PBRM1: variants seen among roughly 807,000 people sequenced by gnomAD.
PBRM1 encodes polybromo 1.
A neutral mutation model predicts 194.5 loss-of-function variants in PBRM1; 27 were observed. The observed-to-expected ratio is 0.14, with a 90% CI of 0.10 to 0.19. The LOEUF is 0.19. PBRM1 is among the 10% of genes least tolerant of loss of function. The probability of loss-of-function intolerance (pLI) is 1.00; values close to 1 mark genes in which losing one functional copy is unlikely to be tolerated. For missense variants in PBRM1, 1,466 were observed against 2,077.2 expected (o/e 0.71, Z 5.72); for synonymous variants, 655 against 693.2 (o/e 0.94, Z 0.87).
chr3:52,624,365 G>A (rs2095375598), intron 13 of PBRM1, among the ~76,000 whole-genome samples: 1 of 152,176 alleles, frequency 6.6e-6, no homozygotes, highest in Admixed American at 6.5e-5. Flanking sequence ...TTATTACATA[G>A]GTTGTTTTCA....
chr3:52,628,474 A>ATATTGT (rs1553809066), intron 12 of PBRM1, among the ~76,000 whole-genome samples: 1 of 147,582 alleles, frequency 6.8e-6, no homozygotes, highest in Non-Finnish European at 1.5e-5. Context: ...TATTATATAT[A>ATATTGT]TTGTTTGTTT....
chr3:52,665,718 A>T (rs1402605165), intron 3 of PBRM1, among the ~76,000 whole-genome samples: 1 of 152,190 alleles, frequency 6.6e-6, no homozygotes, highest in Non-Finnish European at 1.5e-5. Context: ...ATGAGAAGGA[A>T]GAGTTTCATC....
chr3:52,656,728 C>G (rs2153836129), intron 5 of PBRM1, among the ~76,000 whole-genome samples: 1 of 152,096 alleles, frequency 6.6e-6, no homozygotes. Flanking sequence ...GAAGAATTAC[C>G]AATCTTGGAA....
intron 1 of PBRM1, among the ~76,000 whole-genome samples, chr3:52,679,335 A>G (rs189700206): frequency 3.3e-5 from 5 of 152,392 alleles, no homozygotes; most frequent in African/African-American, 9.6e-5. Flanking sequence ...TTGTCACATG[A>G]TAGTCACACA....
At chr3:52,680,805 C>T (rs895077983), upstream of PBRM1, among the ~76,000 whole-genome samples, 3 of 152,048 alleles carry the variant, frequency 2.0e-5, no homozygotes, top group Admixed American at 6.6e-5. Context: ...GGGACTAAGG[C>T]GTGTGCCATC....
intron 2 of PBRM1, among the ~76,000 whole-genome samples, chr3:52,670,314 C>T (rs2096921113): frequency 1.3e-5 from 2 of 152,190 alleles, no homozygotes; most frequent in African/African-American, 4.8e-5. Flanking sequence ...AAATGAAATA[C>T]TTCTAATTTC....
chr3:52,651,881 T>C (rs991396943), intron 5 of PBRM1, 71 bp from the exon 7 acceptor site: 15 of 1,001,242 alleles, frequency 1.5e-5, no homozygotes, highest in South Asian at 4.3e-5. Flanking sequence ...AGGAAGTACA[T>C]TGACAATCTG....
chr3:52,557,393 C>T lies in PBRM1; in HGVS notation c.4453+856G>A, dbSNP rs544936075. ...GCCTTGAACAACACTATTTTGGACT[C>T]CCTGTGAAAGAGGTCAGACTGCTTG... On this transcript the variant is annotated intron_variant, in intron 26 of 29. Transcript: ENST00000296302. Among the ~76,000 whole-genome samples, 3 of 152,294 alleles carry T rather than the reference C, an allele frequency of 2.0e-5. No homozygotes were observed. In the South Asian group the frequency reaches 6.2e-4, roughly 32 times the overall value.
At position 52,560,149 on chromosome 3, in the gene PBRM1, G is replaced by A. The variant is rs188343709; in HGVS notation, c.4288+1618C>T. Among the ~76,000 whole-genome samples, 3 of 152,204 alleles carry A rather than the reference G, an allele frequency of 2.0e-5. No individual in the cohort carries two copies. In the East Asian group the frequency reaches 5.8e-4, roughly 29 times the overall value. On this transcript the variant is annotated intron_variant, in intron 25 of 29. Coordinates refer to ENST00000296302, the Ensembl canonical transcript of PBRM1. ...TTGAATTTGGAAGGATGTTCCAGAC[G>A]CCATCACCTCTCCCTCTCTTCATTC...
intron 5 of PBRM1, among the ~76,000 whole-genome samples, chr3:52,652,168 G>A (rs751393072): frequency 5.1e-4 from 78 of 151,904 alleles, no homozygotes; most frequent in Non-Finnish European, 8.8e-4. Context: ...TGGATCACCT[G>A]AGGTCAGGAG....
chr3:52,546,486 A>G, downstream of PBRM1: 1 of 229,890 alleles, frequency 4.3e-6, no homozygotes, highest in Non-Finnish European at 8.6e-6. Context: ...AAGTATCTAG[A>G]TACAAGAGAC....
rs145426024 is a variant in PBRM1, at chr3:52,665,434, G to C, written c.384+3064C>G. On this transcript the variant is annotated intron_variant, in intron 3 of 29. Coordinates refer to ENST00000296302, the Ensembl canonical transcript of PBRM1. ...CTGCCTCAACCTCCCAAAGCGCTGGGATTATAGGCATGAGCCATCATGCCT... is the reference window on the plus strand; with the variant it reads ...CTGCCTCAACCTCCCAAAGCGCTGGCATTATAGGCATGAGCCATCATGCCT... Among the ~76,000 whole-genome samples the C allele has an allele frequency of 3.4e-3, 515 of 152,124 alleles. 1 individual carries two copies. Among genetic ancestry groups the C allele is most frequent in the Middle Eastern group, 0.01 (3 of 292 alleles).
intron 25 of PBRM1, among the ~76,000 whole-genome samples, chr3:52,559,458 A>T (rs773950042): frequency 4.6e-5 from 7 of 152,138 alleles, no homozygotes; most frequent in Non-Finnish European, 2.9e-5. Context: ...TAAATAGAAG[A>T]TCCCCCCACT....
chr3:52,599,791 C>A (rs2093855126), intron 17 of PBRM1, among the ~76,000 whole-genome samples: 1 of 151,210 alleles, frequency 6.6e-6, no homozygotes, highest in African/African-American at 2.4e-5. Context: ...GATCACGCCA[C>A]TGCACTCCAG....
chr3:52,662,336 T>C lies in PBRM1; in HGVS notation c.385-60A>G, dbSNP rs72950432. The C allele has an allele frequency of 0.03, 43,336 of 1,441,658 alleles. 2,078 individuals carry two copies. The highest frequency in any genetic ancestry group is 0.22 in the African/African-American group (15,086 of 69,572). The allele number at this position is 1,441,658 out of a possible 1,614,324, so 89.3% of individuals were successfully genotyped here. ...TAGTAATGTATTGGAAATTAGTTGC[T>C]ACTTTTAAAGCACCTGTTTCAGCAA... On this transcript the variant is annotated intron_variant, in intron 3 of 29. Coordinates refer to ENST00000296302, the Ensembl canonical transcript of PBRM1.
chr3:52,587,003 TTG>T (rs538427811), intron 19 of PBRM1, among the ~76,000 whole-genome samples: 6 of 152,238 alleles, frequency 3.9e-5, no homozygotes, highest in South Asian at 4.2e-4. Flanking sequence ...TGAAGAGGGC[TTG>T]TGTGTGTGTA....
chr3:52,625,270 T>C (rs1445900639), intron 13 of PBRM1, among the ~76,000 whole-genome samples: 1 of 152,212 alleles, frequency 6.6e-6, no homozygotes, highest in Non-Finnish European at 1.5e-5. Context: ...TAGCTTAATT[T>C]TCTAGGCTAC....
chr3:52,574,978 G>A (rs989303579), intron 22 of PBRM1, among the ~76,000 whole-genome samples: 2 of 152,138 alleles, frequency 1.3e-5, no homozygotes, highest in Non-Finnish European at 2.9e-5. Flanking sequence ...ATGGCTCACT[G>A]CAGCCTCGAC....
intron 26 of PBRM1, 100 bp downstream of exon 28, chr3:52,558,149 T>G: frequency 2.4e-6 from 2 of 816,364 alleles, no homozygotes; most frequent in Non-Finnish European, 3.7e-6. Context: ...GAATCTGTCA[T>G]GAGAAAAGGC....
Sources: gnomAD v4.1 joint callset for allele counts (sites outside exome capture counted in the v4.1 genomes callset) on GRCh38, gnomAD v4.1.1 for gene constraint, MANE v1.5 for transcripts, NCBI Gene and HGNC (gene_info 2026-07-23, HGNC 2026-07-21) for gene names.